The following PRDM5 variants were observed in gnomAD, a reference collection of about 807,000 sequenced individuals.
PRDM5 encodes PR domain zinc finger protein 5.
In PRDM5, 56 loss-of-function variants were observed where a neutral mutation model predicts 81.2. That is an observed-to-expected ratio of 0.69 (90% CI 0.56 to 0.86). The LOEUF is 0.86. Ranked by LOEUF, PRDM5 falls within the 40% of genes least tolerant of loss-of-function variation. The pLI is 0.00. For missense variants in PRDM5, 697 were observed against 770.1 expected, an observed-to-expected ratio of 0.91 and a Z score of 1.12; for synonymous variants, 267 against 256.4, an observed-to-expected ratio of 1.04 and a Z score of -0.39.
rs542968221 is a variant in PRDM5 at position 120,799,583 on chromosome 4, C to G, written c.1030+78G>C. On this transcript the variant is annotated intron_variant, in intron 9 of 15. Coordinates refer to ENST00000264808, the MANE Select transcript of PRDM5 (RefSeq NM_018699.4). ...TCATAGCTAAGGCCCCTGATTACCA[C>G]TCTTAGAGTTTATAAAAAGTGACAA... 2.6e-6 allele frequency: 4 copies of G among 1,558,804 alleles called. No homozygotes were observed. The African/African-American group carries it at 5.5e-5, about 21-fold the overall frequency.
At chr4:120,852,803 C>CTTT (rs11383705) in intron 3 of PRDM5, among the ~76,000 whole-genome samples, 3 of 138,788 alleles carry the variant, frequency 2.2e-5, no homozygotes, top group South Asian at 2.3e-4. Context: ...TATATCCTTT[C>CTTT]TTTTTTTTTT....
intron 2 of PRDM5, among the ~76,000 whole-genome samples, chr4:120,897,750 G>A (rs993890904): frequency 2.0e-5 from 3 of 151,972 alleles, no homozygotes; most frequent in Non-Finnish European, 2.9e-5. Context: ...TGAGTTCTCT[G>A]CTCTAAAATA....
downstream of PRDM5, among the ~76,000 whole-genome samples, chr4:120,691,008 C>T (rs1734027811): frequency 6.6e-6 from 1 of 152,034 alleles, no homozygotes; most frequent in South Asian, 2.1e-4. Flanking sequence ...GGAAGCTAAA[C>T]ATGCTAATCA....
At chr4:120,833,505 C>G (rs1321264094) in intron 3 of PRDM5, among the ~76,000 whole-genome samples, 1 of 151,854 alleles carries the variant, frequency 6.6e-6, no homozygotes. Context: ...AAGTTCTTGA[C>G]CTAATTAGGA....
chr4:120,730,287 AG>A (rs2149082010), intron 14 of PRDM5, among the ~76,000 whole-genome samples: 1 of 152,298 alleles, frequency 6.6e-6, no homozygotes, highest in East Asian at 1.9e-4. Flanking sequence ...GAACACAATA[AG>A]GATATTTTAC....
chr4:120,886,184 C>T (rs1305854926), intron 2 of PRDM5, among the ~76,000 whole-genome samples: 1 of 152,214 alleles, frequency 6.6e-6, no homozygotes, highest in African/African-American at 2.4e-5. Context: ...CCAAGGTCTA[C>T]ACTAAGTGGT....
chr4:120,836,863 A>G (rs918685250), intron 3 of PRDM5, among the ~76,000 whole-genome samples: 3 of 152,218 alleles, frequency 2.0e-5, no homozygotes, highest in Non-Finnish European at 4.4e-5. Context: ...AAATAAGACA[A>G]TATATCTAAA....
chr4:120,811,300 A>T (rs1337512388), intron 8 of PRDM5, 70 bp downstream of exon 8: 1 of 1,028,016 alleles, frequency 9.7e-7, no homozygotes, highest in Non-Finnish European at 1.4e-6. Flanking sequence ...TAACTTTTAT[A>T]CTTACTATAA....
Position 120,749,520 on chromosome 4 carries a change from C to T in PRDM5, c.1623+5033G>A, listed in dbSNP as rs951058829. On this transcript the variant is annotated intron_variant, in intron 14 of 15. Transcript: ENST00000264808. ...AACCCATCTGCTTTCTGTCCCTGTG[C>T]TGCATGAATACAAGGTGATGAGCAG... 2.6e-5 allele frequency among the ~76,000 whole-genome samples: 4 copies of T among 152,146 alleles called. No homozygotes were observed. In the East Asian group the frequency reaches 5.8e-4, roughly 22 times the overall value.
At chr4:120,740,678 G>A (rs1370524053) in intron 14 of PRDM5, among the ~76,000 whole-genome samples, 7 of 152,132 alleles carry the variant, frequency 4.6e-5, no homozygotes, top group Non-Finnish European at 1.5e-5. Context: ...TCTCATGTGG[G>A]TCCCTATTCC....
chr4:120,844,001 G>C lies in PRDM5; in HGVS notation c.300+9417C>G, dbSNP rs115047017. ...CTCAAGTGGCCTAAGAGGATGCTTC[G>C]TGCACCTAAACACAGAGGAGCTCAG... On this transcript the variant is annotated intron_variant, in intron 3 of 15. Transcript: ENST00000264808. Among the ~76,000 whole-genome samples, 467 of 152,112 alleles carry C rather than the reference G, an allele frequency of 3.1e-3. 3 individuals carry two copies. The highest frequency in any genetic ancestry group is 0.011 in the African/African-American group (459 of 41,480).
intron 14 of PRDM5, among the ~76,000 whole-genome samples, chr4:120,752,419 C>G (rs1744143059): frequency 6.6e-6 from 1 of 152,124 alleles, no homozygotes; most frequent in African/African-American, 2.4e-5. Flanking sequence ...GCCTAAAATC[C>G]TGGGTGCTTC....
chr4:120,765,594 C>CA (rs1746265616), intron 13 of PRDM5, among the ~76,000 whole-genome samples: 3 of 152,110 alleles, frequency 2.0e-5, no homozygotes, highest in Non-Finnish European at 4.4e-5. Flanking sequence ...CAGAGCTGCC[C>CA]GCCAGGCACA....
rs576228738 is a variant in PRDM5 at position 120,706,195 on chromosome 4, T to G, written c.1728+4114A>C. ...AAACCTTAAACTCTAGAATCTTGAC[T>G]GCTGTGAACTGCAGGCAAGTCACTC... On this transcript the variant is annotated intron_variant, in intron 15 of 15. Transcript: ENST00000264808. 4.6e-3 allele frequency among the ~76,000 whole-genome samples: 427 copies of G among 93,668 alleles called. 3 individuals carry two copies. The highest frequency in any genetic ancestry group is 6.9e-3 in the Non-Finnish European group (244 of 35,610). 61.4% of individuals were successfully genotyped at this position (93,668 alleles called of 152,430 possible).
chr4:120,778,027 A>G (rs1748440890), intron 12 of PRDM5, among the ~76,000 whole-genome samples: 1 of 152,116 alleles, frequency 6.6e-6, no homozygotes. Flanking sequence ...TCCCAACATA[A>G]AAACAGATAA....
chr4:120,845,004 C>G (rs981897536), intron 3 of PRDM5, among the ~76,000 whole-genome samples: 15 of 152,182 alleles, frequency 9.9e-5, no homozygotes, highest in African/African-American at 3.6e-4. Context: ...AAGCCAAAGC[C>G]CAAACCAGAG....
intron 2 of PRDM5, among the ~76,000 whole-genome samples, chr4:120,896,840 C>A (rs943984154): frequency 6.6e-6 from 1 of 151,818 alleles, no homozygotes; most frequent in African/African-American, 2.4e-5. Context: ...CCCGCCACCA[C>A]GCCCGGCTAA....
At chr4:120,848,360 T>C (rs1282230562) in intron 3 of PRDM5, among the ~76,000 whole-genome samples, 1 of 152,166 alleles carries the variant, frequency 6.6e-6, no homozygotes, top group African/African-American at 2.4e-5. Flanking sequence ...TAATCTCAAC[T>C]TTAAGGCATT....
intron 1 of PRDM5, among the ~76,000 whole-genome samples, chr4:120,918,988 G>T (rs1027270319): frequency 6.6e-6 from 1 of 152,188 alleles, no homozygotes; most frequent in African/African-American, 2.4e-5. Context: ...CATGCCTCTG[G>T]CCAAAGCCCA....
Sources: gnomAD v4.1 joint callset for allele counts (sites outside exome capture counted in the v4.1 genomes callset) on GRCh38, gnomAD v4.1.1 for gene constraint, MANE v1.5 for transcripts, NCBI Gene and HGNC (gene_info 2026-07-23, HGNC 2026-07-21) for gene names.